Variants in SLC25A21 observed in about 807,000 individuals in gnomAD.
The protein encoded by SLC25A21 is solute carrier family 25 member 21, also known as mitochondrial 2-oxodicarboxylate carrier.
Under a neutral mutation model 43.8 loss-of-function variants are expected in SLC25A21, and 47 were observed. That is an observed-to-expected ratio of 1.07 (90% CI 0.85 to 1.37). The LOEUF (loss-of-function observed/expected upper bound fraction) is 1.37, where lower values mean the gene tolerates loss of function less well. Among genes scored for constraint, SLC25A21 ranks in the 40% most tolerant of loss-of-function variants. SLC25A21 has a pLI of 0.00. For missense variants in SLC25A21, 352 were observed against 350.2 expected (o/e 1.00, Z -0.04); for synonymous variants, 131 against 121.3 (o/e 1.08, Z -0.52).
intron 3 of SLC25A21, among the ~76,000 whole-genome samples, chr14:36,741,555 G>T (rs1440839905): frequency 6.6e-6 from 1 of 152,156 alleles, no homozygotes; most frequent in Non-Finnish European, 1.5e-5. Flanking sequence ...CCAAACTGCT[G>T]ATATTCATAA....
intron 1 of SLC25A21, among the ~76,000 whole-genome samples, chr14:37,092,920 C>CA (rs1962616749): frequency 6.6e-6 from 1 of 150,984 alleles, no homozygotes; most frequent in Non-Finnish European, 1.5e-5. Context: ...TTACACACCA[C>CA]ACACACACAC....
At chr14:37,025,362 T>A (rs1202798186) in intron 1 of SLC25A21, among the ~76,000 whole-genome samples, 1 of 152,106 alleles carries the variant, frequency 6.6e-6, no homozygotes, top group Non-Finnish European at 1.5e-5. Context: ...AACTACAGAG[T>A]AACACACAAT....
chr14:37,066,493 T>C (rs1962063123), intron 1 of SLC25A21, among the ~76,000 whole-genome samples: 1 of 152,116 alleles, frequency 6.6e-6, no homozygotes, highest in Non-Finnish European at 1.5e-5. Flanking sequence ...AAAAGCATTG[T>C]ACTAATACTT....
At chr14:36,839,590 G>A (rs1325540) in intron 2 of SLC25A21, among the ~76,000 whole-genome samples, 102,603 of 151,620 alleles carry the variant, frequency 0.68, 35,096 homozygotes, top group South Asian at 0.81. Context: ...ATGGAGACAA[G>A]TACAATTTGC....
intron 2 of SLC25A21, among the ~76,000 whole-genome samples, chr14:36,853,333 T>C (rs1358863779): frequency 6.6e-6 from 1 of 152,218 alleles, no homozygotes; most frequent in Non-Finnish European, 1.5e-5. Context: ...TGAACGCTTC[T>C]CATCATAACA....
chr14:37,074,941 A>G (rs1398552588), intron 1 of SLC25A21, among the ~76,000 whole-genome samples: 1 of 152,226 alleles, frequency 6.6e-6, no homozygotes, highest in Admixed American at 6.5e-5. Context: ...TGGAGAGCAC[A>G]GTGCTAGGTC....
intron 1 of SLC25A21, among the ~76,000 whole-genome samples, chr14:37,087,222 A>G (rs1245429239): frequency 6.6e-6 from 1 of 152,236 alleles, no homozygotes; most frequent in Non-Finnish European, 1.5e-5. Flanking sequence ...AATTTTGAAT[A>G]CATTAACTAA....
At chr14:37,004,965 C>T (rs1390933154) in intron 1 of SLC25A21, among the ~76,000 whole-genome samples, 1 of 149,570 alleles carries the variant, frequency 6.7e-6, no homozygotes, top group Non-Finnish European at 1.5e-5. Flanking sequence ...CACTCTGTCA[C>T]CAGGCTGGAG....
intron 1 of SLC25A21, among the ~76,000 whole-genome samples, chr14:37,018,688 T>C (rs1189332357): frequency 6.6e-6 from 1 of 151,980 alleles, no homozygotes; most frequent in Non-Finnish European, 1.5e-5. Context: ...ATTTCTCATC[T>C]AGTTTTCACA....
chr14:36,804,435 T>C (rs1467292243), intron 3 of SLC25A21, among the ~76,000 whole-genome samples: 1 of 152,156 alleles, frequency 6.6e-6, no homozygotes, highest in African/African-American at 2.4e-5. Context: ...GTTGGGCAAG[T>C]CCCTTAACAA....
intron 3 of SLC25A21, among the ~76,000 whole-genome samples, chr14:36,743,763 ATC>A (rs1555324972): frequency 2.0e-5 from 3 of 152,142 alleles, no homozygotes; most frequent in African/African-American, 2.4e-5. Flanking sequence ...AAGTCAAATG[ATC>A]TCTCACTGAT....
At chr14:36,764,114 A>G (rs1886289162) in intron 3 of SLC25A21, among the ~76,000 whole-genome samples, 1 of 55,472 alleles carries the variant, frequency 1.8e-5, no homozygotes, top group Non-Finnish European at 3.2e-5. Context: ...GAAGGAAGGA[A>G]AGAAGGAAAG....
At chr14:36,687,191 G>A (rs577562462) in intron 7 of SLC25A21, among the ~76,000 whole-genome samples, 5 of 152,304 alleles carry the variant, frequency 3.3e-5, no homozygotes, top group African/African-American at 1.2e-4. Context: ...GACCTCAGGT[G>A]ATTTGCCTGC....
At chr14:36,847,993 G>A (rs1431496562) in intron 2 of SLC25A21, among the ~76,000 whole-genome samples, 2 of 152,194 alleles carry the variant, frequency 1.3e-5, no homozygotes, top group African/African-American at 4.8e-5. Context: ...CAGAGGCAAG[G>A]GCAGTGGGGA....
intron 1 of SLC25A21, among the ~76,000 whole-genome samples, chr14:36,905,010 A>G (rs1891497343): frequency 1.3e-5 from 2 of 152,190 alleles, no homozygotes; most frequent in South Asian, 4.1e-4. Context: ...AATGAATCCT[A>G]CTCCCTTCCA....
At chr14:37,079,891 T>C (rs747440862) in intron 1 of SLC25A21, among the ~76,000 whole-genome samples, 2 of 152,186 alleles carry the variant, frequency 1.3e-5, no homozygotes, top group Non-Finnish European at 2.9e-5. Context: ...GTGGGGCTTG[T>C]GGTAGGGGAT....
chr14:37,038,343 GA>G (rs1961373412), intron 1 of SLC25A21, among the ~76,000 whole-genome samples: 1 of 152,104 alleles, frequency 6.6e-6, no homozygotes, highest in South Asian at 2.1e-4. Context: ...TATAACTTTT[GA>G]AAAATTTGTC....
intron 1 of SLC25A21, among the ~76,000 whole-genome samples, chr14:36,982,832 C>T (rs538379421): frequency 7.9e-5 from 10 of 127,010 alleles, no homozygotes; most frequent in Non-Finnish European, 1.4e-4. Context: ...ACAACAACAA[C>T]AACAACAAAC....
intron 2 of SLC25A21, among the ~76,000 whole-genome samples, chr14:36,868,915 C>G (rs1025359458): frequency 6.6e-6 from 1 of 152,176 alleles, no homozygotes. Flanking sequence ...CTCAGGCAGG[C>G]AGTGGCTGCA....
Sources: allele counts gnomAD v4.1 joint callset (sites outside exome capture counted in the v4.1 genomes callset), GRCh38; gene constraint gnomAD v4.1.1; transcripts MANE v1.5; gene names NCBI Gene and HGNC (gene_info 2026-07-23, HGNC 2026-07-21).